NPAS3: variants seen among roughly 807,000 people sequenced by gnomAD.
NPAS3 encodes neuronal PAS domain protein 3.
NPAS3 carries 14 observed loss-of-function variants against 73.1 expected under a neutral mutation model. The observed-to-expected ratio is 0.19, with a 90% CI of 0.13 to 0.30. The LOEUF (loss-of-function observed/expected upper bound fraction) is 0.30, where lower values mean the gene tolerates loss of function less well. Among genes scored for constraint, NPAS3 ranks in the 10% least tolerant of loss-of-function variants. The pLI is 1.00. For missense variants in NPAS3, 1,096 were observed against 1,250.0 expected, an observed-to-expected ratio of 0.88 and a Z score of 1.86; for synonymous variants, 620 against 541.5, an observed-to-expected ratio of 1.14 and a Z score of -2.01.
intron 1 of NPAS3, among the ~76,000 whole-genome samples, chr14:32,986,841 A>G (rs1283935997): frequency 6.6e-6 from 1 of 152,164 alleles, no homozygotes; most frequent in African/African-American, 2.4e-5. Flanking sequence ...AGGTGGAGAA[A>G]TGAATGAGGC....
intron 4 of NPAS3, among the ~76,000 whole-genome samples, chr14:33,429,405 T>G (rs553387526): frequency 6.6e-6 from 1 of 152,106 alleles, no homozygotes; most frequent in Non-Finnish European, 1.5e-5. Flanking sequence ...GGACTTGTAC[T>G]GTAGAGACCA....
intron 4 of NPAS3, among the ~76,000 whole-genome samples, chr14:33,491,797 G>A (rs959045505): frequency 6.6e-6 from 1 of 152,176 alleles, no homozygotes; most frequent in Non-Finnish European, 1.5e-5. Flanking sequence ...TAAGTCAGAA[G>A]TAATGGCAGT....
At chr14:33,347,150 A>G (rs1474001180) in intron 3 of NPAS3, among the ~76,000 whole-genome samples, 2 of 152,236 alleles carry the variant, frequency 1.3e-5, no homozygotes, top group Non-Finnish European at 2.9e-5. Flanking sequence ...AACTGGTGGC[A>G]TCAATTCATG....
rs930482437 is a variant in NPAS3 at position 33,180,565 on chromosome 14, C to T, written c.141-34617C>T. On this transcript the variant is annotated intron_variant, in intron 2 of 11. Coordinates refer to ENST00000356141, the Ensembl canonical transcript of NPAS3. ...CTGTAATCCCAGCACTTTGGGAGGC[C>T]GAGGCAGGCGGATCATGAGGTCAGG... Among the ~76,000 whole-genome samples, 3 of 151,806 alleles carry T rather than the reference C, an allele frequency of 2.0e-5. 1 individual carries two copies. The highest frequency in any genetic ancestry group is 4.2e-4 in the South Asian group (2 of 4,794).
At chr14:33,351,542 A>C (rs967724680) in intron 3 of NPAS3, among the ~76,000 whole-genome samples, 2 of 152,214 alleles carry the variant, frequency 1.3e-5, no homozygotes, top group Admixed American at 6.5e-5. Context: ...ATATAAGTTG[A>C]AGATTTAAAA....
intron 6 of NPAS3, among the ~76,000 whole-genome samples, chr14:33,682,287 G>A (rs957873196): frequency 1.3e-5 from 2 of 152,114 alleles, no homozygotes; most frequent in African/African-American, 2.4e-5. Flanking sequence ...CCCCCAAATC[G>A]GTCTGACTTC....
chr14:33,728,458 C>T (rs1298001678), intron 6 of NPAS3, among the ~76,000 whole-genome samples: 1 of 152,104 alleles, frequency 6.6e-6, no homozygotes, highest in African/African-American at 2.4e-5. Context: ...CAGGAATCAG[C>T]CCTAAGGAGA....
chr14:33,193,692 A>T (rs2046249495), intron 2 of NPAS3, among the ~76,000 whole-genome samples: 1 of 152,220 alleles, frequency 6.6e-6, no homozygotes, highest in Non-Finnish European at 1.5e-5. Context: ...ATTTCTTGGC[A>T]CAAATAGGGT....
chr14:33,306,632 T>A (rs534814313), intron 3 of NPAS3, among the ~76,000 whole-genome samples: 2 of 152,218 alleles, frequency 1.3e-5, no homozygotes, highest in Non-Finnish European at 2.9e-5. Context: ...CAGAATCATT[T>A]GGAGTTCATT....
At chr14:33,062,278 A>T (rs779190443) in intron 2 of NPAS3, among the ~76,000 whole-genome samples, 1 of 150,354 alleles carries the variant, frequency 6.7e-6, no homozygotes. Flanking sequence ...TCATTGTTCA[A>T]TTCCCACCTA....
At chr14:33,330,611 A>G (rs2043940477) in intron 3 of NPAS3, among the ~76,000 whole-genome samples, 1 of 152,218 alleles carries the variant, frequency 6.6e-6, no homozygotes, top group African/African-American at 2.4e-5. Flanking sequence ...TAAATATCTG[A>G]AAGTATAAAA....
chr14:33,126,053 T>C (rs906157305), intron 2 of NPAS3, among the ~76,000 whole-genome samples: 5 of 152,214 alleles, frequency 3.3e-5, no homozygotes, highest in Admixed American at 2.6e-4. Flanking sequence ...GAATGGGCCA[T>C]AGATACCTCA....
intron 3 of NPAS3, among the ~76,000 whole-genome samples, chr14:33,261,310 A>AG (rs576419043): frequency 7.7e-4 from 117 of 151,872 alleles, no homozygotes; most frequent in Non-Finnish European, 1.5e-3. Context: ...TTAAAAAAAA[A>AG]AAGAACTCAT....
chr14:33,686,282 C>T (rs925032907), intron 6 of NPAS3, among the ~76,000 whole-genome samples: 2 of 152,158 alleles, frequency 1.3e-5, no homozygotes, highest in East Asian at 1.9e-4. Context: ...GGCAAAGGTG[C>T]GTGCTTGTCC....
At chr14:33,720,014 A>C (rs1048624509) in intron 6 of NPAS3, among the ~76,000 whole-genome samples, 6 of 152,184 alleles carry the variant, frequency 3.9e-5, no homozygotes, top group Non-Finnish European at 8.8e-5. Flanking sequence ...AAATTACATT[A>C]AGAGGAACAA....
intron 7 of NPAS3, among the ~76,000 whole-genome samples, chr14:33,738,740 C>A (rs1163525495): frequency 6.6e-6 from 1 of 152,194 alleles, no homozygotes; most frequent in South Asian, 2.1e-4. Context: ...CCGGACCAGC[C>A]ACTTTTTATG....
intron 3 of NPAS3, among the ~76,000 whole-genome samples, chr14:33,315,410 T>C (rs536795382): frequency 8.6e-5 from 13 of 152,038 alleles, no homozygotes; most frequent in Non-Finnish European, 1.6e-4. Flanking sequence ...CATTAAAATA[T>C]GGTGGGAATG....
intron 4 of NPAS3, among the ~76,000 whole-genome samples, chr14:33,467,769 C>T (rs1448617802): frequency 6.6e-6 from 1 of 152,164 alleles, no homozygotes; most frequent in Non-Finnish European, 1.5e-5. Flanking sequence ...AATAAGGACC[C>T]TTTAGATTTA....
At chr14:33,328,554 C>T (rs2043827502) in intron 3 of NPAS3, among the ~76,000 whole-genome samples, 1 of 134,648 alleles carries the variant, frequency 7.4e-6, no homozygotes, top group Admixed American at 8.1e-5. Flanking sequence ...GCAACCTCTG[C>T]CTTCCTGGTT....
Sources: allele counts gnomAD v4.1 joint callset (sites outside exome capture counted in the v4.1 genomes callset), GRCh38; gene constraint gnomAD v4.1.1; transcripts MANE v1.5; gene names NCBI Gene and HGNC (gene_info 2026-07-23, HGNC 2026-07-21).